The following TTC23L variants were observed in gnomAD, a reference collection of about 807,000 sequenced individuals.
TTC23L encodes tetratricopeptide repeat protein 23-like.
TTC23L carries 42 observed loss-of-function variants against 48.1 expected under a neutral mutation model. The ratio of observed to expected loss-of-function variants is 0.87; its 90% CI spans 0.68 to 1.13. The LOEUF (loss-of-function observed/expected upper bound fraction) is 1.13. Among genes scored for constraint, TTC23L ranks in the 50% most tolerant of loss-of-function variants. The pLI is 0.00. For missense variants in TTC23L, 391 were observed against 421.0 expected (o/e 0.93, Z 0.62); for synonymous variants, 159 against 157.2 (o/e 1.01, Z -0.09).
chr5:34,865,285 G>A (rs540919414), intron 6 of TTC23L, among the ~76,000 whole-genome samples: 39 of 152,284 alleles, frequency 2.6e-4, no homozygotes, highest in African/African-American at 9.4e-4. Context: ...GCACAGTAGG[G>A]TATATGACTG....
the TTC23L span, chr5:34,907,303 T>A: frequency 6.6e-6 from 1 of 152,056 alleles, no homozygotes; most frequent in South Asian, 2.1e-4. Context: ...GGAGGTGGGG[T>A]GGTCACAATG....
intron 8 of TTC23L, among the ~76,000 whole-genome samples, chr5:34,879,199 G>T (rs1332724557): frequency 6.6e-6 from 1 of 152,124 alleles, no homozygotes; most frequent in Non-Finnish European, 1.5e-5. Flanking sequence ...GGTGTGATGT[G>T]GGGTGGATGA....
chr5:34,912,782 CTGAGGTCAGGAGTT>C, the TTC23L span, among the ~76,000 whole-genome samples: 2 of 152,212 alleles, frequency 1.3e-5, no homozygotes, highest in South Asian at 4.1e-4. Context: ...GGCAGATCAC[CTGAGGTCAGGAGTT>C]TGAGACCAGC....
At chr5:34,870,067 A>T (rs1761347868) in intron 8 of TTC23L, among the ~76,000 whole-genome samples, 1 of 152,036 alleles carries the variant, frequency 6.6e-6, no homozygotes, top group Non-Finnish European at 1.5e-5. Flanking sequence ...TTAAGTGAGA[A>T]AAAACAAGCG....
intron 10 of TTC23L, among the ~76,000 whole-genome samples, chr5:34,897,796 G>T (rs192744788): frequency 1.2e-4 from 18 of 152,326 alleles, no homozygotes; most frequent in African/African-American, 4.3e-4. Context: ...TGCCCTGAGG[G>T]TATACATGAA....
intron 10 of TTC23L, among the ~76,000 whole-genome samples, chr5:34,898,572 G>C (rs1416344292): frequency 6.6e-6 from 1 of 152,032 alleles, no homozygotes; most frequent in African/African-American, 2.4e-5. Context: ...GAGACCCCTG[G>C]GCAACTAACT....
In TTC23L at chr5:34,867,233, T is replaced by A. The variant is rs1375695966; in HGVS notation, c.840+164T>A. 6 of 739,068 alleles carry A rather than the reference T, an allele frequency of 8.1e-6. No individual in the cohort carries two copies. In the East Asian group the frequency reaches 1.3e-4, roughly 17 times the overall value. 45.8% of individuals were successfully genotyped at this position (739,068 alleles called of 1,614,324 possible). A position where few individuals can be genotyped will look rare whatever the true frequency, so the allele number is the denominator to read the frequency against. On this transcript the variant is annotated intron_variant, in intron 7 of 10. Transcript: ENST00000505624. ...CCACCTAAGAGCCCTTGATCAAACC[T>A]TAAATGACCAGGCCAGAGAACACTG...
the TTC23L span, among the ~76,000 whole-genome samples, chr5:34,912,728 G>A: frequency 6.4e-4 from 97 of 152,112 alleles, 1 homozygote; most frequent in African/African-American, 2.3e-3. Context: ...AACCGGTTGC[G>A]GTGGCTTATG....
the TTC23L span, chr5:34,914,089 T>G: frequency 2.3e-6 from 1 of 430,950 alleles, no homozygotes; most frequent in South Asian, 1.6e-5. Flanking sequence ...GCTGTGCACT[T>G]ACGTGTTAAA....
intron 1 of TTC23L, among the ~76,000 whole-genome samples, chr5:34,839,874 G>C (rs1758455505): frequency 6.6e-6 from 1 of 152,312 alleles, no homozygotes. Flanking sequence ...TCATCTAACA[G>C]CAACAACTAA....
intron 2 of TTC23L, among the ~76,000 whole-genome samples, chr5:34,841,989 A>C (rs565301433): frequency 6.6e-6 from 1 of 152,340 alleles, no homozygotes; most frequent in East Asian, 1.9e-4. Flanking sequence ...CAGTTGTGAC[A>C]AGCAAAAATG....
At chr5:34,864,483 A>G (rs756832626) in exon 6 of TTC23L, 3 of 1,613,882 alleles carry the variant, frequency 1.9e-6, no homozygotes, top group Non-Finnish European at 2.5e-6. Flanking sequence ...GAGAAACATG[A>G]AGGAGCTGAA....
the TTC23L span, chr5:34,918,707 C>A: frequency 2.8e-6 from 1 of 359,452 alleles, no homozygotes; most frequent in Non-Finnish European, 5.0e-6. Flanking sequence ...ATTATTGAAA[C>A]ATTTCTTGAA....
At position 34,863,050 on chromosome 5, in the gene TTC23L, A is replaced by G. The variant is rs766356998; in HGVS notation, c.532A>G (p.Asn178Asp). Residue 178 changes from asparagine (N) to aspartate (D), a missense_variant, in exon 5 of 11, where the codon AAC becomes GAC. Physicochemically the swap from Asn to Asp is conservative, Grantham distance 23. Transcript: ENST00000505624. The surrounding 1 kb of genome is among the most constrained non-coding windows in gnomAD (Gnocchi z 4.1). Reference sequence around the variant, plus strand: ...TCTGGGCGTGGCCTGGCTCCTGCAGAACCGATATCCTTCCATTCCTAGCTG... The same window carrying G: ...TCTGGGCGTGGCCTGGCTCCTGCAGGACCGATATCCTTCCATTCCTAGCTG... 1.2e-5 allele frequency: 19 copies of G among 1,613,744 alleles called. No homozygotes were observed. Among genetic ancestry groups the G allele is most frequent in the Middle Eastern group, 3.3e-4 (2 of 6,082 alleles).
chr5:34,908,777 TTCAGGAACTTCTTCA>T, the TTC23L span: 1 of 1,601,992 alleles, frequency 6.2e-7, no homozygotes, highest in Admixed American at 1.8e-5. Context: ...AAGACTCAGA[TTCAGGAACTTCTTCA>T]TCAGGGCAGC....
chr5:34,922,532 C>T, the TTC23L span: 1 of 1,592,028 alleles, frequency 6.3e-7, no homozygotes, highest in Non-Finnish European at 8.6e-7. Context: ...TACTCCATAT[C>T]TTTCAGGCTT....
chr5:34,915,500 G>A, the TTC23L span: 29 of 448,852 alleles, frequency 6.5e-5, no homozygotes, highest in South Asian at 2.6e-4. Context: ...AACCGCGGAG[G>A]AAGTGAAGCC....
At chr5:34,892,247 T>C (rs1762916440) in intron 9 of TTC23L, among the ~76,000 whole-genome samples, 1 of 152,326 alleles carries the variant, frequency 6.6e-6, no homozygotes, top group African/African-American at 2.4e-5. Context: ...CTACACTCAC[T>C]GGACTTTCAT....
At chr5:34,908,987 G>T in the TTC23L span, 5 of 1,513,134 alleles carry the variant, frequency 3.3e-6, no homozygotes, top group African/African-American at 1.4e-5. Flanking sequence ...TATCAACACA[G>T]TGAACACTGC....
Sources: allele counts gnomAD v4.1 joint callset (sites outside exome capture counted in the v4.1 genomes callset), GRCh38; gene constraint gnomAD v4.1.1; non-coding constraint Gnocchi (gnomAD v3.1); transcripts MANE v1.5; gene names NCBI Gene and HGNC (gene_info 2026-07-23, HGNC 2026-07-21).